The following RASSF3 variants were observed in gnomAD, a reference collection of about 807,000 sequenced individuals.
RASSF3 encodes Ras association domain family member 3, also known as ras association domain-containing protein 3.
RASSF3 carries 19 observed loss-of-function variants against 19.9 expected under a neutral mutation model. The observed-to-expected ratio is 0.96, with a 90% CI of 0.67 to 1.40. The LOEUF is 1.40. RASSF3 is among the 40% of genes most tolerant of loss of function. The pLI, the probability that RASSF3 is intolerant of heterozygous loss-of-function variation, is 0.00. For synonymous variants in RASSF3, 110 were observed against 104.2 expected (o/e 1.06, Z -0.34); for missense variants, 306 against 289.8 (o/e 1.06, Z -0.41).
intron 2 of RASSF3, among the ~76,000 whole-genome samples, chr12:64,588,769 A>C (rs191400129): frequency 2.9e-4 from 44 of 152,298 alleles, no homozygotes; most frequent in African/African-American, 1.1e-3. Flanking sequence ...TTTCTGACTT[A>C]ATATTAAATA....
intron 1 of RASSF3, among the ~76,000 whole-genome samples, chr12:64,655,369 C>T (rs1236395043): frequency 6.6e-6 from 1 of 152,130 alleles, no homozygotes. Context: ...CAGGAATCTG[C>T]GTAAAGCAGG....
intron 2 of RASSF3, among the ~76,000 whole-genome samples, chr12:64,571,510 T>C (rs1869519225): frequency 6.6e-6 from 1 of 152,162 alleles, no homozygotes; most frequent in Non-Finnish European, 1.5e-5. Flanking sequence ...GGAGATGTGC[T>C]GGGCTGGGCT....
intron 2 of RASSF3, among the ~76,000 whole-genome samples, chr12:64,561,987 G>GTATTTATTTATTTATTTATT (rs71092982): frequency 7.4e-6 from 1 of 135,342 alleles, no homozygotes; most frequent in Non-Finnish European, 1.6e-5. Flanking sequence ...ATGGCCCATA[G>GTATTTATTTATTTATTTATT]TATTTATTTA....
chr12:64,543,751 T>A (rs915690513), downstream of RASSF3, among the ~76,000 whole-genome samples: 4 of 151,550 alleles, frequency 2.6e-5, no homozygotes, highest in Non-Finnish European at 4.4e-5. Flanking sequence ...CCTTTATGTC[T>A]AGCTAAGGGA....
intron 1 of RASSF3, among the ~76,000 whole-genome samples, chr12:64,643,333 C>G (rs1458005411): frequency 6.6e-6 from 1 of 152,100 alleles, no homozygotes; most frequent in African/African-American, 2.4e-5. Context: ...GTTAGATGCA[C>G]AGATACTCAC....
chr12:64,511,084 T>C (rs1443107127), intron 1 of RASSF3, among the ~76,000 whole-genome samples: 1 of 152,196 alleles, frequency 6.6e-6, no homozygotes, highest in East Asian at 1.9e-4. Flanking sequence ...GCCGTGAAAC[T>C]AAGATACAAT....
At chr12:64,580,151 T>G (rs1869667791) in intron 2 of RASSF3, among the ~76,000 whole-genome samples, 2 of 152,038 alleles carry the variant, frequency 1.3e-5, no homozygotes, top group Admixed American at 1.3e-4. Context: ...TGTGCCCCAC[T>G]TAGGTCCCAT....
intron 3 of RASSF3, among the ~76,000 whole-genome samples, chr12:64,689,954 A>C (rs1868258173): frequency 6.7e-6 from 1 of 150,146 alleles, no homozygotes; most frequent in Admixed American, 6.6e-5. Context: ...ACGTCTGGCT[A>C]ATTTTTTTGT....
intron 1 of RASSF3, among the ~76,000 whole-genome samples, chr12:64,648,798 A>G (rs1357550614): frequency 3.3e-5 from 2 of 60,970 alleles, no homozygotes; most frequent in African/African-American, 1.3e-4. Flanking sequence ...TTGTTTTTAC[A>G]TTGATTTTTT....
rs187324502 is a variant in RASSF3, at chr12:64,667,920, A to G, written c.112-16867A>G. On this transcript the variant is annotated intron_variant, in intron 1 of 4. Coordinates refer to ENST00000542104, the MANE Select transcript of RASSF3 (RefSeq NM_178169.4). ...TTTTCCTTCTGAATTAAGAGGTAAG[A>G]AAGTAACACCTGGAAAGATGTACTT... is the stretch of plus-strand genomic sequence containing the variant. Among the ~76,000 whole-genome samples, 5 of 152,290 alleles carry G rather than the reference A, an allele frequency of 3.3e-5. No individual in the cohort carries two copies. In the East Asian group the frequency reaches 9.7e-4, roughly 29 times the overall value.
At chr12:64,581,763 C>T (rs1008837266) in intron 2 of RASSF3, among the ~76,000 whole-genome samples, 1 of 145,502 alleles carries the variant, frequency 6.9e-6, no homozygotes, top group Non-Finnish European at 1.5e-5. Flanking sequence ...CTTTTTAAAT[C>T]TGAAAACCTT....
intron 1 of RASSF3, among the ~76,000 whole-genome samples, chr12:64,681,069 C>A (rs1385482391): frequency 6.6e-6 from 1 of 152,124 alleles, no homozygotes; most frequent in African/African-American, 2.4e-5. Context: ...TGCGAAGGGG[C>A]CTAAGGCTGG....
chr12:64,690,501 C>T (rs1039147138), intron 3 of RASSF3, among the ~76,000 whole-genome samples: 1 of 151,626 alleles, frequency 6.6e-6, no homozygotes, highest in Non-Finnish European at 1.5e-5. Context: ...TTTGAGACAG[C>T]GTCTTACTCT....
chr12:64,655,370 G>A (rs957405045), intron 1 of RASSF3, among the ~76,000 whole-genome samples: 17 of 152,166 alleles, frequency 1.1e-4, no homozygotes, highest in African/African-American at 3.6e-4. Flanking sequence ...AGGAATCTGC[G>A]TAAAGCAGGT....
At chr12:64,597,710 A>G (rs1035315215) in intron 2 of RASSF3, among the ~76,000 whole-genome samples, 1 of 151,752 alleles carries the variant, frequency 6.6e-6, no homozygotes, top group Non-Finnish European at 1.5e-5. Context: ...CACCCACCTT[A>G]GCCTCCCAAA....
At chr12:64,684,085 ATTT>A (rs1206268046) in intron 1 of RASSF3, among the ~76,000 whole-genome samples, 16 of 127,256 alleles carry the variant, frequency 1.3e-4, no homozygotes, top group African/African-American at 2.1e-4. Flanking sequence ...TGTGGTTGTA[ATTT>A]TTTTTTTTTT....
At chr12:64,694,649 C>T (rs959805402) in intron 4 of RASSF3, 114 bp from the exon 5 acceptor site, 17 of 1,149,464 alleles carry the variant, frequency 1.5e-5, no homozygotes, top group East Asian at 1.4e-4. Context: ...ACACCTTCTG[C>T]GGCATGGGGC....
At chr12:64,555,678 G>A (rs1387679385) in intron 2 of RASSF3, among the ~76,000 whole-genome samples, 1 of 152,072 alleles carries the variant, frequency 6.6e-6, no homozygotes, top group African/African-American at 2.4e-5. Flanking sequence ...AAAGCCAGGA[G>A]GCGGAGCTTG....
chr12:64,681,012 A>C (rs1163700997), intron 1 of RASSF3, among the ~76,000 whole-genome samples: 2 of 152,172 alleles, frequency 1.3e-5, no homozygotes, highest in African/African-American at 4.8e-5. Context: ...TTCTCTTTCC[A>C]GACTGGCTTA....
Sources: allele counts gnomAD v4.1 joint callset (sites outside exome capture counted in the v4.1 genomes callset), GRCh38; gene constraint gnomAD v4.1.1; transcripts MANE v1.5; gene names NCBI Gene and HGNC (gene_info 2026-07-23, HGNC 2026-07-21).